Variants in ZNF804B observed in about 807,000 individuals in gnomAD.
ZNF804B encodes zinc finger protein 804B.
A neutral mutation model predicts 101.4 loss-of-function variants in ZNF804B; 80 were observed. The ratio of observed to expected loss-of-function variants is 0.79; its 90% CI spans 0.66 to 0.95. The LOEUF is 0.95. Ranked by LOEUF, ZNF804B falls within the 40% of genes least tolerant of loss-of-function variation. ZNF804B has a pLI of 0.00. For missense variants in ZNF804B, 1,673 were observed against 1,561.9 expected, an observed-to-expected ratio of 1.07 and a Z score of -1.20; for synonymous variants, 622 against 558.8, an observed-to-expected ratio of 1.11 and a Z score of -1.59.
intron 1 of ZNF804B, among the ~76,000 whole-genome samples, chr7:88,855,686 A>G (rs972173772): frequency 4.1e-4 from 62 of 152,318 alleles, no homozygotes; most frequent in African/African-American, 1.5e-3. Context: ...GCCCATGCCT[A>G]TGTCCTGAAT....
intron 1 of ZNF804B, among the ~76,000 whole-genome samples, chr7:89,113,411 G>A (rs770063080): frequency 3.0e-4 from 46 of 152,018 alleles, no homozygotes; most frequent in Non-Finnish European, 5.6e-4. Flanking sequence ...AGCGCAAGGG[G>A]AAACCAAATT....
At chr7:88,985,009 A>T (rs1793740350) in intron 1 of ZNF804B, among the ~76,000 whole-genome samples, 1 of 152,052 alleles carries the variant, frequency 6.6e-6, no homozygotes, top group Admixed American at 6.6e-5. Context: ...TAACTCAGAG[A>T]AACTCTTTAC....
At chr7:89,229,362 A>C (rs1463541980) in intron 2 of ZNF804B, among the ~76,000 whole-genome samples, 1 of 152,260 alleles carries the variant, frequency 6.6e-6, no homozygotes, top group Non-Finnish European at 1.5e-5. Context: ...GACCGATTAA[A>C]AGAAAACTAA....
chr7:89,006,609 T>C (rs73383184), intron 1 of ZNF804B, among the ~76,000 whole-genome samples: 15,034 of 152,088 alleles, frequency 0.099, 806 homozygotes, highest in Non-Finnish European at 0.11. Context: ...GCACAATTGA[T>C]GTGGTTAGAT....
At chr7:89,178,348 T>C (rs1184958958) in intron 1 of ZNF804B, among the ~76,000 whole-genome samples, 1 of 151,906 alleles carries the variant, frequency 6.6e-6, no homozygotes, top group African/African-American at 2.4e-5. Flanking sequence ...CCTTCCTTTC[T>C]TCCTTCCTTC....
intron 1 of ZNF804B, among the ~76,000 whole-genome samples, chr7:89,141,492 G>T (rs1345388634): frequency 1.3e-5 from 2 of 151,942 alleles, no homozygotes; most frequent in African/African-American, 4.8e-5. Flanking sequence ...CTCACCTTTT[G>T]GTTATTGTAT....
chr7:89,319,791 G>A (rs1382076908), intron 2 of ZNF804B, among the ~76,000 whole-genome samples: 1 of 152,092 alleles, frequency 6.6e-6, no homozygotes, highest in Middle Eastern at 3.2e-3. Context: ...GAAGGCTGTG[G>A]ACACTGATCT....
At chr7:88,924,265 A>C (rs1370559076) in intron 1 of ZNF804B, among the ~76,000 whole-genome samples, 1 of 151,940 alleles carries the variant, frequency 6.6e-6, no homozygotes, top group Non-Finnish European at 1.5e-5. Context: ...GACTAATCTG[A>C]TTGGTTAAAA....
rs74502976 is a variant in ZNF804B at position 89,012,808 on chromosome 7, G to A, written c.109-205347G>A. On this transcript the variant is annotated intron_variant, in intron 1 of 3. Transcript: ENST00000333190. Reference sequence around the variant, plus strand: ...ATTTTTGGGTATTTTTACAGCCAACGCCCCACTACTCCCAGTACCAATTTT... The same window carrying A: ...ATTTTTGGGTATTTTTACAGCCAACACCCCACTACTCCCAGTACCAATTTT... 4.7e-3 allele frequency among the ~76,000 whole-genome samples: 715 copies of A among 152,112 alleles called. 2 individuals are homozygous for A. The highest frequency in any genetic ancestry group is 6.1e-3 in the Admixed American group (93 of 15,272).
intron 1 of ZNF804B, among the ~76,000 whole-genome samples, chr7:89,111,801 A>G (rs2116353131): frequency 6.6e-6 from 1 of 152,302 alleles, no homozygotes; most frequent in African/African-American, 2.4e-5. Flanking sequence ...AAAAATGTGA[A>G]TATATTTAAT....
At chr7:89,319,659 T>C (rs965388328) in intron 2 of ZNF804B, among the ~76,000 whole-genome samples, 4 of 152,198 alleles carry the variant, frequency 2.6e-5, no homozygotes, top group African/African-American at 7.2e-5. Context: ...AGTAGCAATG[T>C]ACTTCTGAGA....
chr7:89,116,077 T>TC (rs1790308042), intron 1 of ZNF804B, among the ~76,000 whole-genome samples: 1 of 151,068 alleles, frequency 6.6e-6, no homozygotes, highest in South Asian at 2.1e-4. Context: ...GTTATTATTT[T>TC]TTTTTTTTGT....
chr7:88,832,121 T>C (rs1455692429), intron 1 of ZNF804B, among the ~76,000 whole-genome samples: 1 of 151,778 alleles, frequency 6.6e-6, no homozygotes, highest in Non-Finnish European at 1.5e-5. Flanking sequence ...GGCATATGCA[T>C]TCTGTAGAAG....
At chr7:88,828,836 A>G (rs1280551438) in intron 1 of ZNF804B, among the ~76,000 whole-genome samples, 1 of 152,108 alleles carries the variant, frequency 6.6e-6, no homozygotes, top group Non-Finnish European at 1.5e-5. Flanking sequence ...TTATTGGTCA[A>G]TACATTTTCT....
chr7:89,253,992 CT>C (rs1441622376), intron 2 of ZNF804B, among the ~76,000 whole-genome samples: 3 of 152,012 alleles, frequency 2.0e-5, no homozygotes. Flanking sequence ...GGGAACTCCC[CT>C]AGCATAGTAA....
chr7:89,323,363 A>G (rs1031770835), intron 2 of ZNF804B, among the ~76,000 whole-genome samples: 1 of 152,252 alleles, frequency 6.6e-6, no homozygotes, highest in Non-Finnish European at 1.5e-5. Flanking sequence ...ATGAACATAG[A>G]TGCAAAGTTC....
At chr7:88,870,564 AT>A (rs1791807762) in intron 1 of ZNF804B, among the ~76,000 whole-genome samples, 1 of 151,978 alleles carries the variant, frequency 6.6e-6, no homozygotes, top group Non-Finnish European at 1.5e-5. Flanking sequence ...CAAATAAATG[AT>A]TTTTCTTTAA....
At chr7:89,240,858 C>A (rs1789358456) in intron 2 of ZNF804B, among the ~76,000 whole-genome samples, 1 of 151,998 alleles carries the variant, frequency 6.6e-6, no homozygotes, top group African/African-American at 2.4e-5. Context: ...TTCATTATTC[C>A]AAAGTATGCT....
intron 1 of ZNF804B, among the ~76,000 whole-genome samples, chr7:88,992,025 A>G (rs951939158): frequency 4.6e-5 from 7 of 152,102 alleles, no homozygotes; most frequent in Non-Finnish European, 5.9e-5. Context: ...AGCCTTGGCT[A>G]TTCTTTTACT....
Sources: gnomAD v4.1 joint callset for allele counts (sites outside exome capture counted in the v4.1 genomes callset) on GRCh38, gnomAD v4.1.1 for gene constraint, MANE v1.5 for transcripts, NCBI Gene and HGNC (gene_info 2026-07-23, HGNC 2026-07-21) for gene names.